The following GRM7 variants were observed in gnomAD, a reference collection of about 807,000 sequenced individuals.
GRM7 encodes the protein metabotropic glutamate receptor 7.
Under a neutral mutation model 84.5 loss-of-function variants are expected in GRM7, and 35 were observed. That is an observed-to-expected ratio of 0.41 (90% CI 0.32 to 0.55). The LOEUF (loss-of-function observed/expected upper bound fraction) is 0.55, where lower values mean the gene tolerates loss of function less well. Ranked by LOEUF, GRM7 falls within the 20% of genes least tolerant of loss-of-function variation. The pLI, the probability that GRM7 is intolerant of heterozygous loss-of-function variation, is 0.19. For synonymous variants in GRM7, 487 were observed against 455.1 expected (o/e 1.07, Z -0.89); for missense variants, 1,003 against 1,194.6 (o/e 0.84, Z 2.36).
chr3:7,257,136 G>C (rs368670796), intron 2 of GRM7, among the ~76,000 whole-genome samples: 1 of 152,290 alleles, frequency 6.6e-6, no homozygotes, highest in East Asian at 1.9e-4. Context: ...TTTTTAGGGA[G>C]CACTAATCCA....
rs1358742805 is a variant in GRM7, at chr3:6,928,577, A to T, written c.519+66670A>T. On this transcript the variant is annotated intron_variant, in intron 1 of 9. Transcript: ENST00000357716. This position sits in a 1 kb window ranked among gnomAD's most constrained non-coding sequence, Gnocchi z 4.5. Reference sequence around the variant, plus strand: ...TTTAAAATAAATGTTTGTAATTAATAACATTTAGATAGGGGGAAAATAAGT... The same window carrying T: ...TTTAAAATAAATGTTTGTAATTAATTACATTTAGATAGGGGGAAAATAAGT... 6.6e-6 allele frequency among the ~76,000 whole-genome samples: 1 copy of T among 152,186 alleles called. No individual in the cohort carries two copies. The highest frequency in any genetic ancestry group is 6.6e-5 in the Admixed American group (1 of 15,266).
chr3:6,985,680 C>A (rs193286204), intron 1 of GRM7, among the ~76,000 whole-genome samples: 1 of 152,298 alleles, frequency 6.6e-6, no homozygotes, highest in Admixed American at 6.5e-5. Flanking sequence ...AGCTCCACTT[C>A]TCTTTTCACT....
chr3:7,076,944 T>A lies in GRM7; in HGVS notation c.520-69508T>A, dbSNP rs1347314474. Among the ~76,000 whole-genome samples, 4 of 152,246 alleles carry A rather than the reference T, an allele frequency of 2.6e-5. No individual in the cohort carries two copies. The East Asian group carries it at 7.7e-4, about 29-fold the overall frequency. ...AATAGAAACTTCTCAAAAGAAGATA[T>A]TTATGCAGCCAACAAACATATGAAA... On this transcript the variant is annotated intron_variant, in intron 1 of 9. Coordinates refer to ENST00000357716, the MANE Select transcript of GRM7 (RefSeq NM_000844.4).
chr3:7,072,865 C>A (rs146004252), intron 1 of GRM7, among the ~76,000 whole-genome samples: 616 of 152,214 alleles, frequency 4.0e-3, no homozygotes, highest in Middle Eastern at 0.01. Context: ...GTTTGAGGGG[C>A]TGCTGTCTTT....
At chr3:7,538,482 A>C (rs1692687777) in intron 7 of GRM7, among the ~76,000 whole-genome samples, 1 of 152,216 alleles carries the variant, frequency 6.6e-6, no homozygotes. Flanking sequence ...TGGGCTACAA[A>C]CAACCATACC....
intron 2 of GRM7, among the ~76,000 whole-genome samples, chr3:7,154,014 T>C (rs1020986112): frequency 6.6e-6 from 1 of 152,144 alleles, no homozygotes; most frequent in Admixed American, 6.6e-5. Context: ...GAGAGAAGCA[T>C]GTTAAAAGTC....
rs1209157325 is a variant in GRM7, at chr3:7,452,467, G to A, written c.1175-140G>A. On this transcript the variant is annotated intron_variant, in intron 5 of 9. Coordinates refer to ENST00000357716, the MANE Select transcript of GRM7 (RefSeq NM_000844.4). ...TGGCTATCACGTGGTAGGCAAATGTGGCTTGAATTACTGTATTTATCGAAG... is the reference window on the plus strand; with the variant it reads ...TGGCTATCACGTGGTAGGCAAATGTAGCTTGAATTACTGTATTTATCGAAG... The A allele has an allele frequency of 4.6e-6, 3 of 649,694 alleles. No individual in the cohort carries two copies. The South Asian group carries it at 5.5e-5, about 12-fold the overall frequency. The allele number at this position is 649,694 out of a possible 1,614,324, so 40.2% of individuals were successfully genotyped here.
At chr3:7,108,472 T>C (rs1275166295) in intron 1 of GRM7, among the ~76,000 whole-genome samples, 1 of 151,210 alleles carries the variant, frequency 6.6e-6, no homozygotes, top group African/African-American at 2.4e-5. Context: ...ACTGTGACTT[T>C]ACAGTACCTT....
In GRM7 at chr3:7,551,852, A is replaced by G. The variant is rs147100776; in HGVS notation, c.1516-26570A>G. 4.6e-3 allele frequency among the ~76,000 whole-genome samples: 700 copies of G among 152,276 alleles called. 4 individuals carry two copies. The highest frequency in any genetic ancestry group is 0.016 in the African/African-American group (670 of 41,562). ...AGAACTCCCTGAGACTGGGTAATTTATTAAGGAAAGAAGTTTAATTGACTC... is the reference window on the plus strand; with the variant it reads ...AGAACTCCCTGAGACTGGGTAATTTGTTAAGGAAAGAAGTTTAATTGACTC... On this transcript the variant is annotated intron_variant, in intron 7 of 9. Coordinates refer to ENST00000357716, the MANE Select transcript of GRM7 (RefSeq NM_000844.4).
intron 1 of GRM7, among the ~76,000 whole-genome samples, chr3:6,936,475 G>A (rs925119281): frequency 6.6e-6 from 1 of 152,140 alleles, no homozygotes. Flanking sequence ...TAGCCTGAGG[G>A]TAACTTGTTA....
intron 9 of GRM7, among the ~76,000 whole-genome samples, chr3:7,686,938 T>C (rs1449374892): frequency 1.3e-5 from 2 of 152,194 alleles, no homozygotes; most frequent in Non-Finnish European, 2.9e-5. Flanking sequence ...AAAGTATCCA[T>C]TGAAATAGCA....
intron 1 of GRM7, among the ~76,000 whole-genome samples, chr3:6,884,807 C>T (rs947874623): frequency 1.3e-5 from 2 of 152,056 alleles, no homozygotes; most frequent in African/African-American, 2.4e-5. Flanking sequence ...ACCATGTTAT[C>T]CAGGCTGGTC....
chr3:7,731,762 T>C (rs1220524227), intron 9 of GRM7, among the ~76,000 whole-genome samples: 8 of 152,172 alleles, frequency 5.3e-5, no homozygotes, highest in Non-Finnish European at 1.0e-4. Flanking sequence ...CCTTTTGAGA[T>C]AGCTTTTCTG....
intron 7 of GRM7, among the ~76,000 whole-genome samples, chr3:7,462,020 C>G (rs1486700785): frequency 6.6e-6 from 1 of 152,128 alleles, no homozygotes. Flanking sequence ...CAAGATCCTT[C>G]TCTTGGTTAA....
chr3:7,263,606 C>T (rs1698521639), intron 2 of GRM7, among the ~76,000 whole-genome samples: 1 of 152,120 alleles, frequency 6.6e-6, no homozygotes, highest in Non-Finnish European at 1.5e-5. Context: ...CGCTGGTGGG[C>T]ACAGGCCTCT....
chr3:7,190,826 T>C, intron 2 of GRM7, among the ~76,000 whole-genome samples: 1 of 152,190 alleles, frequency 6.6e-6, no homozygotes, highest in Non-Finnish European at 1.5e-5. Context: ...GTGCCCCTCT[T>C]GGCACTCTCT....
At chr3:6,967,368 G>A (rs1398926034) in intron 1 of GRM7, among the ~76,000 whole-genome samples, 2 of 151,890 alleles carry the variant, frequency 1.3e-5, no homozygotes, top group Non-Finnish European at 2.9e-5. Context: ...ACTCCTTTTT[G>A]TGCGTTTTGT....
chr3:6,873,770 T>TG (rs1197730473), intron 1 of GRM7, among the ~76,000 whole-genome samples: 2 of 152,230 alleles, frequency 1.3e-5, no homozygotes, highest in Admixed American at 1.3e-4. Context: ...CTTTTGCCTA[T>TG]GGTGGTATCT....
Position 7,146,548 on chromosome 3 carries a change from G to T in GRM7, c.616G>T (p.Ala206Ser), listed in dbSNP as rs1208538535. Residue 206 changes from alanine (A) to serine (S), a missense_variant, in exon 2 of 10, where the codon GCC becomes TCC. Around this residue, in one of 2 missense-constraint regions of GRM7, gnomAD observed 910 missense variants for 1,126.0 expected, o/e 0.81. Coordinates refer to ENST00000357716, the MANE Select transcript of GRM7 (RefSeq NM_000844.4). ...CGTGGTGCCACCCGATTCCTTCCAA[G>T]CCCAGGCCATGGTAGACATTGTAAA... is the stretch of plus-strand genomic sequence containing the variant. ...SRVVPPDSFQAQAMVDIVKAL... is the reference protein window; with the variant it reads ...SRVVPPDSFQSQAMVDIVKAL... The T allele has an allele frequency of 6.2e-7, 1 of 1,613,814 alleles. No individual in the cohort carries two copies. The highest frequency in any genetic ancestry group is 1.7e-5 in the Admixed American group (1 of 59,970).
Sources: allele counts gnomAD v4.1 joint callset (sites outside exome capture counted in the v4.1 genomes callset), GRCh38; gene constraint gnomAD v4.1.1; regional missense constraint gnomAD v4.1.1; non-coding constraint Gnocchi (gnomAD v3.1); transcripts MANE v1.5; gene names NCBI Gene and HGNC (gene_info 2026-07-23, HGNC 2026-07-21).